Variants in RGS7 observed in about 807,000 individuals in gnomAD.
The protein encoded by RGS7 is regulator of G-protein signaling 7.
In RGS7, 27 loss-of-function variants were observed where a neutral mutation model predicts 81.1. The ratio of observed to expected loss-of-function variants is 0.33; its 90% CI spans 0.25 to 0.46. The LOEUF is 0.46. RGS7 is among the 20% of genes least tolerant of loss of function. RGS7 has a pLI of 1.00. For synonymous variants in RGS7, 208 were observed against 207.7 expected, an observed-to-expected ratio of 1.00 and a Z score of -0.01; for missense variants, 396 against 607.4, an observed-to-expected ratio of 0.65 and a Z score of 3.66.
intron 6 of RGS7, among the ~76,000 whole-genome samples, chr1:240,899,780 C>T (rs544283824): frequency 3.3e-5 from 5 of 152,154 alleles, no homozygotes; most frequent in African/African-American, 9.6e-5. Context: ...TTGCTCTTCT[C>T]GAGGTGTATC....
chr1:241,202,001 G>GACACACAC (rs1258164610), intron 2 of RGS7, among the ~76,000 whole-genome samples: 1 of 67,864 alleles, frequency 1.5e-5, no homozygotes, highest in African/African-American at 7.9e-5. Context: ...CAAACACACA[G>GACACACAC]ACACACACAG....
intron 4 of RGS7, among the ~76,000 whole-genome samples, chr1:240,943,980 C>T (rs1371641973): frequency 6.6e-6 from 1 of 151,930 alleles, no homozygotes. Context: ...AATAATAAAG[C>T]AATTGGCAGT....
intron 2 of RGS7, among the ~76,000 whole-genome samples, chr1:241,240,656 A>G (rs2076218240): frequency 6.6e-6 from 1 of 152,222 alleles, no homozygotes; most frequent in African/African-American, 2.4e-5. Context: ...TAGAAATTGT[A>G]TGTATAATTA....
chr1:241,353,933 C>T (rs969172165), intron 2 of RGS7, among the ~76,000 whole-genome samples: 2 of 152,036 alleles, frequency 1.3e-5, no homozygotes, highest in African/African-American at 2.4e-5. Flanking sequence ...TTTTTGTTCT[C>T]ATAATAACTG....
At chr1:241,307,877 G>C (rs920570814) in intron 2 of RGS7, among the ~76,000 whole-genome samples, 5 of 152,192 alleles carry the variant, frequency 3.3e-5, no homozygotes, top group Non-Finnish European at 5.9e-5. Context: ...GGTGTCCTCA[G>C]CCAAAGTCAC....
At chr1:240,913,135 C>G (rs1158544594) in intron 6 of RGS7, among the ~76,000 whole-genome samples, 1 of 152,206 alleles carries the variant, frequency 6.6e-6, no homozygotes. Flanking sequence ...GATTATAAAC[C>G]AGGGATACAT....
At chr1:241,177,235 C>T (rs1488743618) in intron 2 of RGS7, among the ~76,000 whole-genome samples, 1 of 152,194 alleles carries the variant, frequency 6.6e-6, no homozygotes, top group Non-Finnish European at 1.5e-5. Flanking sequence ...CAAGGAAGGC[C>T]TCCCTGAAGA....
intron 6 of RGS7, among the ~76,000 whole-genome samples, chr1:240,891,532 AT>A (rs953622228): frequency 5.3e-5 from 8 of 152,198 alleles, no homozygotes; most frequent in Admixed American, 2.0e-4. Flanking sequence ...AAATGAAGTC[AT>A]TTTTTTCAAA....
chr1:240,931,109 G>T (rs545647811), intron 5 of RGS7, among the ~76,000 whole-genome samples: 5 of 152,066 alleles, frequency 3.3e-5, no homozygotes, highest in African/African-American at 1.2e-4. Flanking sequence ...GAGTATGTTC[G>T]GCAAGACTCA....
intron 2 of RGS7, among the ~76,000 whole-genome samples, chr1:241,151,264 A>G (rs1465518581): frequency 6.6e-6 from 1 of 152,210 alleles, no homozygotes; most frequent in Non-Finnish European, 1.5e-5. Flanking sequence ...TATAACATCT[A>G]TGGAAAGAGA....
chr1:240,936,757 C>G, intron 4 of RGS7, 51 bp from the exon 5 acceptor site: 1 of 1,351,026 alleles, frequency 7.4e-7, no homozygotes. Context: ...TAAATGTATT[C>G]TTTTATAGGA....
At chr1:240,828,517 G>A (rs146547780) in intron 9 of RGS7, among the ~76,000 whole-genome samples, 27 of 152,264 alleles carry the variant, frequency 1.8e-4, no homozygotes, top group East Asian at 7.7e-4. Flanking sequence ...GGCCAGGTGC[G>A]GTGGCTCACG....
intron 3 of RGS7, among the ~76,000 whole-genome samples, chr1:241,032,514 A>G (rs2060129048): frequency 6.6e-6 from 1 of 152,164 alleles, no homozygotes; most frequent in African/African-American, 2.4e-5. Flanking sequence ...TTCTGTGGAA[A>G]ATAATGTTGG....
chr1:240,946,696 T>G (rs150929978), intron 4 of RGS7, among the ~76,000 whole-genome samples: 4 of 152,254 alleles, frequency 2.6e-5, no homozygotes, highest in African/African-American at 7.2e-5. Context: ...TGAGACAGCT[T>G]TATTTCCAGA....
At chr1:241,106,487 A>G (rs1164669508) in intron 2 of RGS7, among the ~76,000 whole-genome samples, 1 of 152,098 alleles carries the variant, frequency 6.6e-6, no homozygotes, top group African/African-American at 2.4e-5. Context: ...GCCGAGGCCA[A>G]CGGATCACCT....
chr1:240,802,680 G>C (rs185559918), intron 16 of RGS7, among the ~76,000 whole-genome samples: 2 of 152,154 alleles, frequency 1.3e-5, no homozygotes, highest in Admixed American at 1.3e-4. Flanking sequence ...ATTTTGCAAA[G>C]CATGAACATC....
At position 241,063,852 on chromosome 1, in the gene RGS7, G is replaced by A. The variant is rs140105700; in HGVS notation, c.175+34814C>T. On this transcript the variant is annotated intron_variant, in intron 3 of 18. Transcript: ENST00000440928. ...ATTTACCTGTATTGAAGAATGTAGA[G>A]GATCTTGTCAGGAAACTAACGACAC... Among the ~76,000 whole-genome samples, 633 of 152,188 alleles carry A rather than the reference G, an allele frequency of 4.2e-3. 5 individuals are homozygous for A. The highest frequency in any genetic ancestry group is 0.014 in the African/African-American group (593 of 41,526).
chr1:240,936,721 C>T lies in RGS7; in HGVS notation c.227-15G>A. The T allele has an allele frequency of 1.9e-6, 3 of 1,586,798 alleles. No individual in the cohort carries two copies. Among genetic ancestry groups the T allele is most frequent in the Non-Finnish European group, 2.6e-6 (3 of 1,155,238 alleles). ...GAGCGCCTCCACTGTTTTATGAAAA[C>T]AAACAAAGAACATAAAAAAGCCTTT... On this transcript the variant is annotated splice_polypyrimidine_tract_variant and intron_variant, in intron 4 of 18. Coordinates refer to ENST00000440928, the MANE Select transcript of RGS7 (RefSeq NM_001364886.1).
chr1:240,807,465 C>T (rs1689061177), intron 14 of RGS7, among the ~76,000 whole-genome samples: 3 of 152,060 alleles, frequency 2.0e-5, no homozygotes, highest in Admixed American at 6.6e-5. Flanking sequence ...ATCAGCAGTA[C>T]CTTCGTAACT....
Sources: gnomAD v4.1 joint callset for allele counts (sites outside exome capture counted in the v4.1 genomes callset) on GRCh38, gnomAD v4.1.1 for gene constraint, MANE v1.5 for transcripts, NCBI Gene and HGNC (gene_info 2026-07-23, HGNC 2026-07-21) for gene names.